Variants in DNAH12 observed in about 807,000 individuals in gnomAD.
DNAH12 encodes the protein dynein axonemal heavy chain 12, also known as axonemal beta dynein heavy chain 12.
In DNAH12, 285 loss-of-function variants were observed where a neutral mutation model predicts 371.5. The observed-to-expected ratio is 0.77, with a 90% CI of 0.70 to 0.85. The LOEUF (loss-of-function observed/expected upper bound fraction) is 0.85, where lower values mean the gene tolerates loss of function less well. Ranked by LOEUF, DNAH12 falls within the 40% of genes least tolerant of loss-of-function variation. The pLI is 0.00. For synonymous variants in DNAH12, 1,200 were observed against 1,213.0 expected (o/e 0.99, Z 0.22); for missense variants, 3,611 against 3,689.4 (o/e 0.98, Z 0.55).
intron 45 of DNAH12, among the ~76,000 whole-genome samples, chr3:57,389,937 G>C (rs1472272280): frequency 6.7e-6 from 1 of 149,076 alleles, no homozygotes; most frequent in Non-Finnish European, 1.5e-5. Context: ...CTGGGTTCAA[G>C]CAATTCTCCT....
intron 32 of DNAH12, among the ~76,000 whole-genome samples, chr3:57,432,719 A>G (rs1340796449): frequency 2.6e-5 from 4 of 152,052 alleles, no homozygotes; most frequent in African/African-American, 9.7e-5. Flanking sequence ...CTAATTCATC[A>G]TAGAAGTCAG....
At chr3:57,545,180 GAC>G, upstream of DNAH12, among the ~76,000 whole-genome samples, 1 of 145,760 alleles carries the variant, frequency 6.9e-6, no homozygotes, top group East Asian at 2.0e-4. Flanking sequence ...TTTTTTTTGA[GAC>G]AGAGTTTTGA....
intron 55 of DNAH12, among the ~76,000 whole-genome samples, chr3:57,369,313 A>C (rs1182276925): frequency 6.9e-6 from 1 of 144,136 alleles, no homozygotes; most frequent in African/African-American, 2.5e-5. Flanking sequence ...ATATATTATA[A>C]ATTATATATA....
At chr3:57,371,941 C>CAAAAAAAAAAAAAAAAAAA (rs1169602185) in intron 55 of DNAH12, among the ~76,000 whole-genome samples, 42 of 25,854 alleles carry the variant, frequency 1.6e-3, no homozygotes, top group Admixed American at 2.3e-3. Context: ...CTAAACTCAG[C>CAAAAAAAAAAAAAAAAAAA]AAAAAAAAAA....
intron 2 of DNAH12, among the ~76,000 whole-genome samples, chr3:57,538,562 T>C (rs146879074): frequency 1.2e-3 from 179 of 152,334 alleles, no homozygotes; most frequent in African/African-American, 3.9e-3. Flanking sequence ...AAGTACATTG[T>C]GTTATAACAT....
chr3:57,377,452 A>C (rs2063303382), intron 52 of DNAH12, among the ~76,000 whole-genome samples: 1 of 152,162 alleles, frequency 6.6e-6, no homozygotes, highest in Non-Finnish European at 1.5e-5. Flanking sequence ...AATTTATACT[A>C]GGCTAACAAA....
chr3:57,370,951 G>A (rs2063157838), intron 55 of DNAH12, among the ~76,000 whole-genome samples: 1 of 152,148 alleles, frequency 6.6e-6, no homozygotes, highest in Non-Finnish European at 1.5e-5. Context: ...TCAAGCCTAT[G>A]CATAAAGAGA....
intron 66 of DNAH12, among the ~76,000 whole-genome samples, chr3:57,312,727 T>G (rs1346413611): frequency 1.3e-5 from 2 of 152,238 alleles, no homozygotes; most frequent in Non-Finnish European, 2.9e-5. Flanking sequence ...CTGTACCAAC[T>G]AAATTGGTCT....
intron 60 of DNAH12, among the ~76,000 whole-genome samples, chr3:57,345,153 A>G (rs2153317402): frequency 6.6e-6 from 1 of 152,298 alleles, no homozygotes; most frequent in Non-Finnish European, 1.5e-5. Flanking sequence ...GTATTTACCA[A>G]TACTGTAAAT....
chr3:57,469,970 C>T (rs111320526), intron 16 of DNAH12, among the ~76,000 whole-genome samples: 1,611 of 151,824 alleles, frequency 0.011, 18 homozygotes, highest in African/African-American at 0.036. Flanking sequence ...CACATGTTAC[C>T]GAATCTAAAA....
rs554348607 is a variant in DNAH12 at position 57,523,167 on chromosome 3, G to A, written c.279+416C>T. Among the ~76,000 whole-genome samples the A allele has an allele frequency of 6.6e-5, 10 of 152,204 alleles. No homozygotes were observed. The South Asian group carries it at 2.1e-3, about 32-fold the overall frequency. On this transcript the variant is annotated intron_variant, in intron 4 of 73. Coordinates refer to ENST00000495027, the MANE Select transcript of DNAH12 (RefSeq NM_001366028.2). ...ATAGGCCAAGGTGGGAGGATCACTT[G>A]AGTCCAGGAGTTCAAGACCAGCCTG...
chr3:57,406,918 G>C lies in DNAH12; in HGVS notation c.6277-966C>G, dbSNP rs149216562. Among the ~76,000 whole-genome samples the C allele has an allele frequency of 8.6e-5, 13 of 151,566 alleles. No individual in the cohort carries two copies. The East Asian group carries it at 2.5e-3, about 29-fold the overall frequency. ...ACAAAAAAACTTTTTTTTTATTTTT[G>C]AGATGGAGTCTCATTCTGTCGCCCC... On this transcript the variant is annotated intron_variant, in intron 40 of 73. Coordinates refer to ENST00000495027, the MANE Select transcript of DNAH12 (RefSeq NM_001366028.2).
In DNAH12 at chr3:57,413,815, G is replaced by C; in HGVS notation, c.5951C>G (p.Pro1984Arg). ...CIIFIDDMNM[P>R]ALEKYGAQPP... ...TTGAGCTCCATACTTCTCCAATGCA[G>C]GCATATTCATATCATCTATAAAAAT... Residue 1984 changes from proline (P) to arginine (R), a missense_variant, in exon 39 of 74, where the codon CCT (proline) becomes CGT (arginine). Transcript: ENST00000495027. The C allele has an allele frequency of 6.4e-7, 1 of 1,551,158 alleles. No individual in the cohort carries two copies. The highest frequency in any genetic ancestry group is 8.7e-7 in the Non-Finnish European group (1 of 1,146,756).
chr3:57,334,484 C>T lies in DNAH12; in HGVS notation c.9959G>A (p.Arg3320Gln), dbSNP rs1208867719. The change falls in exon 62 of 74, where the codon CGG becomes CAG. Residue 3320 changes from arginine to glutamine, a missense_variant. Physicochemically the swap from Arg to Gln is conservative, Grantham distance 43. Around this residue, in one of 3 missense-constraint regions of DNAH12, gnomAD observed 2,266 missense variants for 2,236.9 expected, o/e 1.01. Transcript: ENST00000495027. ...TTTTACCTTATCAGGTCTTAAACAC[C>T]GAAGAATTATTATTTTCTGTAGTTC... ...LNELQKIIIL[R>Q]CLRPDKITPA... 1.7e-5 allele frequency: 27 copies of T among 1,548,256 alleles called. No individual in the cohort carries two copies. The highest frequency in any genetic ancestry group is 4.9e-5 in the East Asian group (2 of 40,816).
chr3:57,297,255 T>G, intron 70 of DNAH12: 1 of 438,420 alleles, frequency 2.3e-6, no homozygotes, highest in Non-Finnish European at 4.1e-6. Flanking sequence ...ATGTAAATTA[T>G]TTGATGCTTT....
In DNAH12 at chr3:57,310,193, A is replaced by G. The variant is rs78312950; in HGVS notation, c.10897-339T>C. Among the ~76,000 whole-genome samples, 4 of 152,210 alleles carry G rather than the reference A, an allele frequency of 2.6e-5. No individual in the cohort carries two copies. In the South Asian group the frequency reaches 8.3e-4, roughly 32 times the overall value. On this transcript the variant is annotated intron_variant, in intron 67 of 73. Coordinates refer to ENST00000495027, the MANE Select transcript of DNAH12 (RefSeq NM_001366028.2). Reference sequence around the variant, plus strand: ...CTTATCTTCCACTAGTTTCCCCCATATGTTTCCTAATCACTTTCCCACAAT... The same window carrying G: ...CTTATCTTCCACTAGTTTCCCCCATGTGTTTCCTAATCACTTTCCCACAAT...
At chr3:57,383,092 C>G (rs903447606) in intron 49 of DNAH12, among the ~76,000 whole-genome samples, 2 of 152,154 alleles carry the variant, frequency 1.3e-5, no homozygotes, top group Non-Finnish European at 2.9e-5. Context: ...GTAGGAAGCT[C>G]TGGAGGCTTC....
chr3:57,302,139 T>A (rs1462587931), intron 69 of DNAH12, among the ~76,000 whole-genome samples, 200 bp from the exon 70 acceptor site: 1 of 152,154 alleles, frequency 6.6e-6, no homozygotes, highest in Non-Finnish European at 1.5e-5. Context: ...ACATACATAT[T>A]TTAAAATATA....
intron 13 of DNAH12, among the ~76,000 whole-genome samples, chr3:57,476,564 A>AAAAAAAT (rs3039061): frequency 0.67 from 99,799 of 149,832 alleles, 33,516 homozygotes; most frequent in South Asian, 0.75. Flanking sequence ...ACTCTGTCTC[A>AAAAAAAT]AAAAAATAAA....
Sources: gnomAD v4.1 joint callset for allele counts (sites outside exome capture counted in the v4.1 genomes callset) on GRCh38, gnomAD v4.1.1 for gene constraint, gnomAD v4.1.1 regional missense constraint, MANE v1.5 for transcripts, NCBI Gene and HGNC (gene_info 2026-07-23, HGNC 2026-07-21) for gene names.